Variants in NFATC1 observed in about 807,000 individuals in gnomAD.
The protein encoded by NFATC1 is nuclear factor of activated T cells 1.
A neutral mutation model predicts 76.0 loss-of-function variants in NFATC1; 22 were observed. The ratio of observed to expected loss-of-function variants is 0.29; its 90% CI spans 0.21 to 0.41. The LOEUF (loss-of-function observed/expected upper bound fraction) is 0.41, where lower values mean the gene tolerates loss of function less well. Ranked by LOEUF, NFATC1 falls within the 10% of genes least tolerant of loss-of-function variation. The probability of loss-of-function intolerance (pLI) is 1.00; values close to 1 mark genes in which losing one functional copy is unlikely to be tolerated. For missense variants in NFATC1, 1,357 were observed against 1,337.7 expected, an observed-to-expected ratio of 1.01 and a Z score of -0.23; for synonymous variants, 704 against 613.1, an observed-to-expected ratio of 1.15 and a Z score of -2.19.
chr18:79,459,153 C>T (rs2087915073), intron 6 of NFATC1, among the ~76,000 whole-genome samples: 1 of 152,242 alleles, frequency 6.6e-6, no homozygotes, highest in Admixed American at 6.5e-5. Flanking sequence ...CTGCTCCCAC[C>T]TGCGCAGGAA....
In NFATC1 at chr18:79,449,102, C is replaced by T. The variant is rs933175410; in HGVS notation, c.1589+118C>T. ...ACTTCCAGGCTGCGTGGCCAGGACA[C>T]TTTTGGTTTAACAGCCAATAAGTAA... On this transcript the variant is annotated intron_variant, in intron 4 of 9. Coordinates refer to ENST00000427363, the MANE Select transcript of NFATC1 (RefSeq NM_001278669.2). 1.0e-5 allele frequency: 10 copies of T among 983,722 alleles called. No individual in the cohort carries two copies. In the African/African-American group the frequency reaches 1.2e-4, roughly 11 times the overall value. The allele number at this position is 983,722 out of a possible 1,614,324, so 60.9% of individuals were successfully genotyped here.
In NFATC1 at chr18:79,452,393, G is replaced by A. The variant is rs144557012; in HGVS notation, c.1903+577G>A. The stretch of plus-strand genomic sequence containing the variant: ...TGCGCTGGCCCAGCCTGGAGGCTCC[G>A]GGGCTGAACTTGGAAGGGCAGCAGG... On this transcript the variant is annotated intron_variant, in intron 6 of 9. Transcript: ENST00000427363. 8.7e-3 allele frequency among the ~76,000 whole-genome samples: 1,331 copies of A among 152,296 alleles called. 8 individuals are homozygous for A. The highest frequency in any genetic ancestry group is 0.02 in the Middle Eastern group (6 of 294).
At position 79,451,776 on chromosome 18, in the gene NFATC1, C is replaced by A. The variant is rs779708051; in HGVS notation, c.1863C>A (p.Phe621Leu). ...AGATGGTCCTGTCTGGCCACAACTTCCTGCAGGACTCCAAGGTCATTTTCG... is the reference window on the plus strand; with the variant it reads ...AGATGGTCCTGTCTGGCCACAACTTACTGCAGGACTCCAAGGTCATTTTCG... ...GKKMVLSGHN[F>L]LQDSKVIFVE... Residue 621 changes from phenylalanine (F) to leucine (L), a missense_variant, in exon 6 of 10, where the codon TTC becomes TTA. Coordinates refer to ENST00000427363, the MANE Select transcript of NFATC1 (RefSeq NM_001278669.2). 6 of 1,613,024 alleles carry A rather than the reference C, an allele frequency of 3.7e-6. No individual in the cohort carries two copies. In the East Asian group the frequency reaches 1.3e-4, roughly 36 times the overall value.
At chr18:79,412,571 G>A (rs1243822891) in intron 2 of NFATC1, among the ~76,000 whole-genome samples, 1 of 152,196 alleles carries the variant, frequency 6.6e-6, no homozygotes, top group Non-Finnish European at 1.5e-5. Flanking sequence ...CAGTGAGGGT[G>A]CTCTGGGAGG....
rs558837349 is a variant in NFATC1, at chr18:79,526,029, A to G, written c.2783-1499A>G. Among the ~76,000 whole-genome samples, 20 of 152,328 alleles carry G rather than the reference A, an allele frequency of 1.3e-4. 1 individual carries two copies. The highest frequency in any genetic ancestry group is 1.0e-3 in the Admixed American group (16 of 15,308). ...GGCGGGAGGCCGCTGAGCAACCAGC[A>G]GCCTAGGGCATTTGGGTGGGGACGT... On this transcript the variant is annotated intron_variant, in intron 9 of 9. Transcript: ENST00000427363.
intron 2 of NFATC1, among the ~76,000 whole-genome samples, chr18:79,428,512 G>A (rs556854544): frequency 1.2e-4 from 18 of 152,208 alleles, no homozygotes; most frequent in Non-Finnish European, 2.2e-4. Flanking sequence ...GGGCATGACC[G>A]GAGATGTGGT....
intron 2 of NFATC1, among the ~76,000 whole-genome samples, chr18:79,418,652 G>A (rs565726806): frequency 2.6e-5 from 4 of 152,380 alleles, no homozygotes; most frequent in East Asian, 1.9e-4. Flanking sequence ...GCTCAGAGTT[G>A]AGAAGATCAT....
At chr18:79,485,177 C>T (rs1388073232) in intron 8 of NFATC1, among the ~76,000 whole-genome samples, 1 of 152,198 alleles carries the variant, frequency 6.6e-6, no homozygotes, top group African/African-American at 2.4e-5. Flanking sequence ...CTCCCTGTGG[C>T]CGACCCTGCT....
In NFATC1 at chr18:79,428,157, G is replaced by A. The variant is rs907345702; in HGVS notation, c.1227-5422G>A. ...TCTGTGCGGTGCGGGGGCCGGCCTC[G>A]GGCCGGTGGGCAGGCTGGAAGGTCA... On this transcript the variant is annotated intron_variant, in intron 2 of 9. Coordinates refer to ENST00000427363, the MANE Select transcript of NFATC1 (RefSeq NM_001278669.2). Among the ~76,000 whole-genome samples, 5 of 152,260 alleles carry A rather than the reference G, an allele frequency of 3.3e-5. No individual in the cohort carries two copies. The East Asian group carries it at 5.8e-4, about 18-fold the overall frequency.
rs376156138 is a variant in NFATC1, at chr18:79,512,198, A to G, written c.2783-15330A>G. ...CGGCCTCGCCCCAGGACACGGCCTC[A>G]CCCCAGGACACGGCCTCGCCCCAGG... On this transcript the variant is annotated intron_variant, in intron 9 of 9. Transcript: ENST00000427363. Among the ~76,000 whole-genome samples, 26 of 151,570 alleles carry G rather than the reference A, an allele frequency of 1.7e-4. 1 individual carries two copies. The East Asian group carries it at 1.8e-3, about 10-fold the overall frequency.
At chr18:79,509,593 G>A (rs1309239058) in intron 9 of NFATC1, among the ~76,000 whole-genome samples, 1 of 152,248 alleles carries the variant, frequency 6.6e-6, no homozygotes, top group African/African-American at 2.4e-5. Context: ...GTCTCAAAGA[G>A]ACCTGGGTTT....
At chr18:79,427,113 C>T (rs1224537046) in intron 2 of NFATC1, among the ~76,000 whole-genome samples, 1 of 152,122 alleles carries the variant, frequency 6.6e-6, no homozygotes, top group Non-Finnish European at 1.5e-5. Flanking sequence ...AGGTTAAGTG[C>T]GTCTTGGCAG....
intron 9 of NFATC1, among the ~76,000 whole-genome samples, chr18:79,515,082 C>T (rs531175680): frequency 1.3e-5 from 2 of 152,070 alleles, no homozygotes; most frequent in Non-Finnish European, 2.9e-5. Context: ...CAGTGGCTCA[C>T]ACCTGTAATC....
intron 3 of NFATC1, among the ~76,000 whole-genome samples, chr18:79,439,180 G>C (rs141588589): frequency 3.3e-5 from 5 of 152,286 alleles, no homozygotes; most frequent in African/African-American, 7.2e-5. Flanking sequence ...TAAGTGGTTT[G>C]CCACACACAG....
At chr18:79,430,049 G>A (rs954639854) in intron 2 of NFATC1, among the ~76,000 whole-genome samples, 6 of 152,244 alleles carry the variant, frequency 3.9e-5, no homozygotes, top group African/African-American at 7.2e-5. Flanking sequence ...GCCACGCCAC[G>A]TGGCTAGGGT....
At chr18:79,469,926 C>T (rs1034493356) in intron 8 of NFATC1, 23 of 985,402 alleles carry the variant, frequency 2.3e-5, no homozygotes, top group African/African-American at 8.7e-5. Flanking sequence ...CCCAGGCTGC[C>T]GCAGGGCGAG....
intron 7 of NFATC1, 75 bp downstream of exon 7, chr18:79,461,441 G>T: frequency 1.3e-6 from 2 of 1,525,800 alleles, no homozygotes; most frequent in Non-Finnish European, 9.1e-7. Flanking sequence ...TGGAGCCACT[G>T]CGGGTCCCCA....
At chr18:79,430,303 CCT>C (rs1188990249) in intron 2 of NFATC1, among the ~76,000 whole-genome samples, 3 of 152,146 alleles carry the variant, frequency 2.0e-5, no homozygotes, top group Non-Finnish European at 4.4e-5. Context: ...CCTCCTCTCT[CCT>C]CTCTCTCGCT....
intron 2 of NFATC1, among the ~76,000 whole-genome samples, chr18:79,420,584 GA>G (rs1164247861): frequency 1.3e-5 from 2 of 151,680 alleles, no homozygotes; most frequent in East Asian, 3.9e-4. Context: ...CAGACAGGAA[GA>G]GGGGGATGCG....
Sources: allele counts gnomAD v4.1 joint callset (sites outside exome capture counted in the v4.1 genomes callset), GRCh38; gene constraint gnomAD v4.1.1; transcripts MANE v1.5; gene names NCBI Gene and HGNC (gene_info 2026-07-23, HGNC 2026-07-21).